Variants in DCXR observed in about 807,000 individuals in gnomAD.
DCXR encodes the protein L-xylulose reductase.
In DCXR, 24 loss-of-function variants were observed where a neutral mutation model predicts 25.9. The ratio of observed to expected loss-of-function variants is 0.93; its 90% confidence interval spans 0.67 to 1.30. DCXR has a LOEUF of 1.30. Ranked by LOEUF, DCXR falls within the 50% of genes most tolerant of loss-of-function variation. The pLI is 0.00. For synonymous variants in DCXR, 161 were observed against 141.7 expected, an observed-to-expected ratio of 1.14 and a Z score of -0.97; for missense variants, 348 against 333.7, an observed-to-expected ratio of 1.04 and a Z score of -0.33.
chr17:82,037,666 G>C lies in DCXR; in HGVS notation c.17C>G (p.Ala6Gly), dbSNP rs955427289. Residue 6 changes from alanine to glycine, a missense_variant, in exon 1 of 8, where the codon GCG (alanine) becomes GGG (glycine). Coordinates refer to ENST00000306869, the MANE Select transcript of DCXR (RefSeq NM_016286.4). ...CCCGGTGACCAGCACCCGGCGGCCCGCGAGGAACAGCTCCATGTCGGCGCA... is the reference window on the plus strand; with the variant it reads ...CCCGGTGACCAGCACCCGGCGGCCCCCGAGGAACAGCTCCATGTCGGCGCA... MELFL[A>G]GRRVLVTGAG... The C allele has an allele frequency of 6.3e-7, 1 of 1,591,016 alleles. No homozygotes were observed. Among genetic ancestry groups the C allele is most frequent in the Non-Finnish European group, 8.5e-7 (1 of 1,176,424 alleles).
In DCXR at chr17:82,037,631, C is replaced by A. The variant is rs771814237; in HGVS notation, c.52G>T (p.Gly18Cys). The A allele has an allele frequency of 5.7e-6, 9 of 1,584,938 alleles. No individual in the cohort carries two copies. In the East Asian group the frequency reaches 2.0e-4, roughly 36 times the overall value. ...TTGCCCACCTTTCCCCGCCGCCCAC[C>A]TTTGCCTGCCCCGGTGACCAGCACC... ...RRVLVTGAGK[G>C]IGRGTVQALH... The change falls in exon 1 of 8, where the codon GGT (glycine) becomes TGT (cysteine). Residue 18 changes from glycine to cysteine, a missense_variant and splice_region_variant. By Grantham distance (159) the Gly-to-Cys change is radical. Coordinates refer to ENST00000306869, the MANE Select transcript of DCXR (RefSeq NM_016286.4).
intron 2 of DCXR, 182 bp downstream of exon 2, chr17:82,037,268 C>G: frequency 7.8e-6 from 7 of 901,628 alleles, no homozygotes; most frequent in Non-Finnish European, 1.1e-5. Context: ...GCGGCTCTGC[C>G]GACCACCCGG....
intron 2 of DCXR, 65 bp from the exon 3 acceptor site, chr17:82,037,078 G>A (rs1302566692): frequency 8.4e-6 from 13 of 1,540,756 alleles, no homozygotes; most frequent in Non-Finnish European, 1.1e-5. Flanking sequence ...CTGGGGACTG[G>A]GGCTGGTGAC....
chr17:82,037,365 A>T, intron 2 of DCXR, 85 bp downstream of exon 2: 1 of 1,331,046 alleles, frequency 7.5e-7, no homozygotes, highest in Non-Finnish European at 1.0e-6. Flanking sequence ...GGGGAGGCGG[A>T]GTCGCGCACA....
chr17:82,037,132 C>A lies in DCXR; in HGVS notation c.151-119G>T, dbSNP rs959650604. 5 of 1,341,230 alleles carry A rather than the reference C, an allele frequency of 3.7e-6. No homozygotes were observed. In the African/African-American group the frequency reaches 4.4e-5, roughly 12 times the overall value. The allele number at this position is 1,341,230 out of a possible 1,614,324, so 83.1% of individuals were successfully genotyped here. A position where few individuals can be genotyped will look rare whatever the true frequency, so the allele number is the denominator to read the frequency against. On this transcript the variant is annotated intron_variant, in intron 2 of 7. Transcript: ENST00000306869. The stretch of plus-strand genomic sequence containing the variant: ...AAGGAGTTAGGAGTTCCGAAGGTGT[C>A]GGGACTGTGGGGCCAGCAGCCGGGC...
In DCXR at chr17:82,035,994, G is replaced by C. The variant is rs774660365; in HGVS notation, c.701C>G (p.Thr234Ser). The C allele has an allele frequency of 3.1e-6, 5 of 1,613,324 alleles. No homozygotes were observed. In the East Asian group the frequency reaches 1.1e-4, roughly 36 times the overall value. The change falls in exon 8 of 8, where the codon ACT (threonine) becomes AGT (serine). Residue 234 changes from threonine to serine, a missense_variant. Transcript: ENST00000306869. ...SDRSGMTTGSTLPVEGGFWAC is the reference protein window; with the variant it reads ...SDRSGMTTGSSLPVEGGFWAC ...CCAGAAGCCCCCTTCCACCGGCAAA[G>C]TGGAACCCGTGGTCATGCCACTTCG...
rs758420462 is a variant in DCXR at position 82,035,999 on chromosome 17, AC to A, written c.695del (p.Gly232ValfsTer34). 4 of 1,613,184 alleles carry A rather than the reference AC, an allele frequency of 2.5e-6. No homozygotes were observed. The highest frequency in any genetic ancestry group is 2.2e-5 in the East Asian group (1 of 44,876). Reference sequence around the variant, plus strand: ...AGCCCCCTTCCACCGGCAAAGTGGAACCCGTGGTCATGCCACTTCGGTCACT... The same window carrying A: ...AGCCCCCTTCCACCGGCAAAGTGGAACCGTGGTCATGCCACTTCGGTCACT... ...LLSDRSGMTT[G>X]STLPVEGGFW... is the part of the protein sequence containing the mutation. On this transcript the variant is annotated frameshift_variant, in exon 8 of 8. Coordinates refer to ENST00000306869, the MANE Select transcript of DCXR (RefSeq NM_016286.4). LOFTEE classifies it high-confidence loss of function.
chr17:82,037,311 G>T, intron 2 of DCXR, 139 bp downstream of exon 2: 1 of 1,039,496 alleles, frequency 9.6e-7, no homozygotes, highest in Non-Finnish European at 1.3e-6. Context: ...CCGAGAGAGG[G>T]TGCGCGGGCG....
chr17:82,036,939 G>T lies in DCXR; in HGVS notation c.225C>A (p.Gly75=). 1 of 1,608,766 alleles carries T rather than the reference G, an allele frequency of 6.2e-7. No homozygotes were observed. The highest frequency in any genetic ancestry group is 8.5e-7 in the Non-Finnish European group (1 of 1,178,138). ...CGTTGTTCACCAGCAGGTCCACGGG[G>T]CCCACGCTGCCCAGCGCCCGCTCGG... ...EATERALGSV[G]PVDLLVNNAA... is the part of the protein sequence containing the mutation. Residue 75 remains glycine, a synonymous_variant, in exon 3 of 8, where the codon GGC becomes GGA. Coordinates refer to ENST00000306869, the MANE Select transcript of DCXR (RefSeq NM_016286.4).
intron 7 of DCXR, 41 bp downstream of exon 7, chr17:82,036,150 G>A (rs6502047): frequency 0.13 from 215,247 of 1,607,280 alleles, 23,170 homozygotes; most frequent in African/African-American, 0.58. Context: ...CACACACAGG[G>A]ACTGCTGGCA....
In DCXR at chr17:82,035,975, G is replaced by GC. The variant is rs1322885655; in HGVS notation, c.719dup (p.Phe241LeufsTer38). The GC allele has an allele frequency of 6.2e-7, 1 of 1,612,936 alleles. No homozygotes were observed. Among genetic ancestry groups the GC allele is most frequent in the African/African-American group, 1.3e-5 (1 of 74,920 alleles). On this transcript the variant is annotated frameshift_variant, in exon 8 of 8. Coordinates refer to ENST00000306869, the MANE Select transcript of DCXR (RefSeq NM_016286.4). LOFTEE classifies it high-confidence loss of function. ...TGGAGGGAGCTCAGCAGGCCCAGAA[G>GC]CCCCCTTCCACCGGCAAAGTGGAAC...
Position 82,037,487 on chromosome 17 carries a change from C to A in DCXR, c.113G>T (p.Ser38Ile). ...HATGARVVAV[S>I]RTQADLDSLV... ...GCTGTCAAGATCCGCCTGAGTCCGGCTCACAGCCACCACCCGCGCGCCCGT... is the reference window on the plus strand; with the variant it reads ...GCTGTCAAGATCCGCCTGAGTCCGGATCACAGCCACCACCCGCGCGCCCGT... Residue 38 changes from serine to isoleucine, a missense_variant, in exon 2 of 8, where the codon AGC becomes ATC. By Grantham distance (142) the Ser-to-Ile change is moderately radical. Coordinates refer to ENST00000306869, the MANE Select transcript of DCXR (RefSeq NM_016286.4). The A allele has an allele frequency of 6.5e-7, 1 of 1,537,504 alleles. No homozygotes were observed. The highest frequency in any genetic ancestry group is 8.7e-7 in the Non-Finnish European group (1 of 1,148,910).
chr17:82,037,540 C>T lies in DCXR; in HGVS notation c.60G>A (p.Gly20=), dbSNP rs997285574. ...VLVTGAGKGI[G]RGTVQALHAT... ...CGTGCAGCGCCTGGACCGTGCCGCG[C>T]CCTATACCTGCCGGGAGCGGGCTCA... Residue 20 remains glycine (G), a synonymous_variant, in exon 2 of 8, where the codon GGG becomes GGA. Coordinates refer to ENST00000306869, the MANE Select transcript of DCXR (RefSeq NM_016286.4). 6.5e-7 allele frequency: 1 copy of T among 1,545,182 alleles called. No individual in the cohort carries two copies.
chr17:82,036,788 G>A (rs1437995705), intron 3 of DCXR, 25 bp from the exon 4 acceptor site: 6 of 1,613,438 alleles, frequency 3.7e-6, no homozygotes. Context: ...ACAGACCCTG[G>A]TCAGAGATTA....
chr17:82,037,674 C>A lies in DCXR; in HGVS notation c.9G>T (p.Leu3=). The A allele has an allele frequency of 6.3e-7, 1 of 1,591,544 alleles. No homozygotes were observed. The highest frequency in any genetic ancestry group is 1.1e-5 in the South Asian group (1 of 89,784). Residue 3 remains leucine, a synonymous_variant, in exon 1 of 8, where the codon CTG becomes CTT. Transcript: ENST00000306869. ME[L]FLAGRRVLVT... ...CCAGCACCCGGCGGCCCGCGAGGAACAGCTCCATGTCGGCGCAGTCTCCGC... is the reference window on the plus strand; with the variant it reads ...CCAGCACCCGGCGGCCCGCGAGGAAAAGCTCCATGTCGGCGCAGTCTCCGC...
At chr17:82,036,496 G>A (rs1157686988) in intron 5 of DCXR, 48 bp from the exon 6 acceptor site, 1 of 1,612,474 alleles carries the variant, frequency 6.2e-7, no homozygotes, top group Non-Finnish European at 8.5e-7. Context: ...GGTGATGAGG[G>A]CGAGGCTGGG....
In DCXR at chr17:82,037,477, C is replaced by CT; in HGVS notation, c.122dup (p.Ala42GlyfsTer4). 1 of 1,534,628 alleles carries CT rather than the reference C, an allele frequency of 6.5e-7. No individual in the cohort carries two copies. The highest frequency in any genetic ancestry group is 8.7e-7 in the Non-Finnish European group (1 of 1,147,458). ...CGCGGACAAGGCTGTCAAGATCCGC[C>CT]TGAGTCCGGCTCACAGCCACCACCC... On this transcript the variant is annotated frameshift_variant, in exon 2 of 8. Transcript: ENST00000306869. LOFTEE classifies it high-confidence loss of function.
chr17:82,036,119 C>T lies in DCXR; in HGVS notation c.632-56G>A, dbSNP rs762349020. The T allele has an allele frequency of 2.0e-5, 32 of 1,606,098 alleles. No individual in the cohort carries two copies. The African/African-American group carries it at 3.2e-4, about 16-fold the overall frequency. ...AGGAAGGAGGCTGCCGCCCATCTTT[C>T]CCTCCCACCCCTACCCAGGGCACAC... On this transcript the variant is annotated intron_variant, in intron 7 of 7. Transcript: ENST00000306869.
Position 82,035,873 on chromosome 17 carries a change from A to T in DCXR, c.*87T>A. 1 of 1,235,614 alleles carries T rather than the reference A, an allele frequency of 8.1e-7. No homozygotes were observed. The highest frequency in any genetic ancestry group is 1.2e-6 in the Non-Finnish European group (1 of 855,466). The allele number at this position is 1,235,614 out of a possible 1,614,324, so 76.5% of individuals were successfully genotyped here. On this transcript the variant is annotated 3_prime_UTR_variant, in exon 8 of 8. Transcript: ENST00000306869. ...TACCTGCTGGCAGCCTAGGAATAGC[A>T]CATAGTCTGGGCAGCAGAATCAGGT...
Sources: allele counts gnomAD v4.1 joint callset, GRCh38; gene constraint gnomAD v4.1.1; transcripts MANE v1.5; gene names NCBI Gene and HGNC (gene_info 2026-07-23, HGNC 2026-07-21).